The following FAM193A variants were observed in gnomAD, a reference collection of about 807,000 sequenced individuals.
FAM193A encodes the protein protein FAM193A.
A neutral mutation model predicts 126.5 loss-of-function variants in FAM193A; 22 were observed. The ratio of observed to expected loss-of-function variants is 0.17; its 90% CI spans 0.12 to 0.25. FAM193A has a LOEUF of 0.25. Ranked by LOEUF, FAM193A falls within the 10% of genes least tolerant of loss-of-function variation. FAM193A has a pLI of 1.00. For synonymous variants in FAM193A, 761 were observed against 646.8 expected (o/e 1.18, Z -2.68); for missense variants, 1,675 against 1,672.8 (o/e 1.00, Z -0.02).
At chr4:2,617,543 C>T (rs1416128367) in intron 2 of FAM193A, among the ~76,000 whole-genome samples, 2 of 151,740 alleles carry the variant, frequency 1.3e-5, no homozygotes, top group Non-Finnish European at 2.9e-5. Flanking sequence ...GGATTACAGG[C>T]ATGAGCCACC....
intron 20 of FAM193A, 58 bp from the exon 21 acceptor site, chr4:2,731,717 C>T (rs888573767): frequency 1.3e-5 from 18 of 1,354,462 alleles, no homozygotes; most frequent in Non-Finnish European, 1.9e-5. Context: ...CTTTGCCAAG[C>T]ACCAGCTTGG....
chr4:2,582,510 G>C (rs967601015), intron 1 of FAM193A, among the ~76,000 whole-genome samples: 1 of 151,796 alleles, frequency 6.6e-6, no homozygotes, highest in Non-Finnish European at 1.5e-5. Context: ...TCTTAGTTGC[G>C]CATGACTTTT....
chr4:2,577,207 C>T (rs963501308), intron 1 of FAM193A, among the ~76,000 whole-genome samples: 18 of 152,148 alleles, frequency 1.2e-4, no homozygotes, highest in Admixed American at 8.5e-4. Context: ...GGTGACATAT[C>T]ATACCTTATA....
intron 20 of FAM193A, among the ~76,000 whole-genome samples, chr4:2,721,490 AAAATT>A (rs1229537944): frequency 6.6e-5 from 10 of 152,270 alleles, no homozygotes; most frequent in African/African-American, 2.4e-4. Context: ...TTTCTCCAAA[AAAATT>A]AAAACAAAAG....
At chr4:2,628,876 G>A (rs1427841605) in intron 4 of FAM193A, among the ~76,000 whole-genome samples, 4 of 145,846 alleles carry the variant, frequency 2.7e-5, no homozygotes, top group Admixed American at 2.1e-4. Flanking sequence ...TTTTTGAGAC[G>A]GAGTCTCGCT....
At chr4:2,577,431 T>TTTTTTTTTTTTG (rs1739663095) in intron 1 of FAM193A, among the ~76,000 whole-genome samples, 1 of 148,208 alleles carries the variant, frequency 6.7e-6, no homozygotes, top group African/African-American at 2.5e-5. Flanking sequence ...TGTTTTTTTT[T>TTTTTTTTTTTTG]TTTTTGAGAC....
intron 2 of FAM193A, among the ~76,000 whole-genome samples, chr4:2,618,563 G>C (rs1742345114): frequency 6.8e-6 from 1 of 146,528 alleles, no homozygotes; most frequent in Non-Finnish European, 1.5e-5. Flanking sequence ...GAGTAGCGGG[G>C]ATTATAGGTG....
intron 2 of FAM193A, among the ~76,000 whole-genome samples, chr4:2,599,528 A>C (rs905847591): frequency 1.3e-5 from 2 of 152,176 alleles, no homozygotes; most frequent in African/African-American, 4.8e-5. Flanking sequence ...CAGCAGTTGT[A>C]GGAGAATATT....
At chr4:2,717,224 C>T (rs974808019) in intron 20 of FAM193A, among the ~76,000 whole-genome samples, 1 of 152,142 alleles carries the variant, frequency 6.6e-6, no homozygotes. Context: ...AAGTGATGCA[C>T]TCACCTCAGC....
intron 12 of FAM193A, among the ~76,000 whole-genome samples, chr4:2,670,006 G>C (rs1013208336): frequency 6.6e-6 from 1 of 152,124 alleles, no homozygotes; most frequent in African/African-American, 2.4e-5. Context: ...CATCACATTT[G>C]GGAAGTGGAG....
At chr4:2,646,395 C>T (rs1455854055) in intron 6 of FAM193A, among the ~76,000 whole-genome samples, 1 of 151,992 alleles carries the variant, frequency 6.6e-6, no homozygotes, top group Non-Finnish European at 1.5e-5. Context: ...TGGTCTCGAT[C>T]TCCCGACCTC....
At chr4:2,603,114 G>A (rs1399723793) in intron 2 of FAM193A, among the ~76,000 whole-genome samples, 10 of 147,844 alleles carry the variant, frequency 6.8e-5, no homozygotes, top group African/African-American at 2.0e-4. Context: ...GATTACAGGC[G>A]CCCACCACCA....
At chr4:2,695,644 A>G (rs1243878633) in intron 17 of FAM193A, among the ~76,000 whole-genome samples, 2 of 151,906 alleles carry the variant, frequency 1.3e-5, no homozygotes, top group Admixed American at 6.5e-5. Context: ...AAATGTTCAC[A>G]TGTTTTTATA....
intron 1 of FAM193A, among the ~76,000 whole-genome samples, chr4:2,551,457 A>G (rs1056751510): frequency 6.6e-6 from 1 of 152,204 alleles, no homozygotes; most frequent in Non-Finnish European, 1.5e-5. Context: ...TGTAGTATTA[A>G]TGCTGGCTTC....
intron 19 of FAM193A, among the ~76,000 whole-genome samples, chr4:2,714,795 C>T (rs1180080008): frequency 6.6e-6 from 1 of 152,114 alleles, no homozygotes; most frequent in Non-Finnish European, 1.5e-5. Context: ...GAAAAATTGT[C>T]CCGTGTTGAG....
At chr4:2,573,971 G>A (rs982019479) in intron 1 of FAM193A, among the ~76,000 whole-genome samples, 3 of 152,202 alleles carry the variant, frequency 2.0e-5, no homozygotes, top group Admixed American at 1.3e-4. Flanking sequence ...AGACCTGTGA[G>A]GCTGGAGCAG....
Position 2,659,867 on chromosome 4 carries a change from C to G in FAM193A, c.1558C>G (p.Pro520Ala), listed in dbSNP as rs761605899. 6 of 1,613,834 alleles carry G rather than the reference C, an allele frequency of 3.7e-6. No individual in the cohort carries two copies. The highest frequency in any genetic ancestry group is 2.7e-5 in the African/African-American group (2 of 74,852). Reference protein sequence around the residue: ...SHILTCGIMDPPVTDDIHIHQ... With the variant: ...SHILTCGIMDAPVTDDIHIHQ... ...CATCCTCACGTGTGGTATCATGGAC[C>G]CCCCCGTCACTGATGACATCCACAT... Residue 520 changes from proline to alanine, a missense_variant, in exon 10 of 21, where the codon CCC becomes GCC. Coordinates refer to ENST00000637812, the MANE Select transcript of FAM193A (RefSeq NM_001366318.2).
chr4:2,597,124 C>G (rs371784076), intron 2 of FAM193A, among the ~76,000 whole-genome samples: 1 of 152,122 alleles, frequency 6.6e-6, no homozygotes, highest in Non-Finnish European at 1.5e-5. Context: ...TGGAGGCAAG[C>G]CCCATCTCCA....
Position 2,700,330 on chromosome 4 carries a change from G to C in FAM193A, c.4158G>C (p.Gln1386His). ...TCGACCTCATGTCCATCACAGAGCA[G>C]AAAAGAGAGGAGAGAAAAGTCAACA... Reference protein sequence around the residue: ...KVVDLMSITEQKREERKVNSN... With the variant: ...KVVDLMSITEHKREERKVNSN... Residue 1386 changes from glutamine to histidine, a missense_variant, in exon 19 of 21, where the codon CAG (glutamine) becomes CAC (histidine). By Grantham distance (24) the Gln-to-His change is conservative. Transcript: ENST00000637812. 6.2e-7 allele frequency: 1 copy of C among 1,613,996 alleles called. No homozygotes were observed. Among genetic ancestry groups the C allele is most frequent in the Non-Finnish European group, 8.5e-7 (1 of 1,180,004 alleles).
Sources: gnomAD v4.1 joint callset for allele counts (sites outside exome capture counted in the v4.1 genomes callset) on GRCh38, gnomAD v4.1.1 for gene constraint, MANE v1.5 for transcripts, NCBI Gene and HGNC (gene_info 2026-07-23, HGNC 2026-07-21) for gene names.